Variants in DIP2C observed in about 807,000 individuals in gnomAD.
DIP2C encodes DIP2 acetate--CoA ligase C (putative).
A neutral mutation model predicts 192.4 loss-of-function variants in DIP2C; 33 were observed. That is an observed-to-expected ratio of 0.17 (90% CI 0.13 to 0.23). The LOEUF (loss-of-function observed/expected upper bound fraction) is 0.23. Among genes scored for constraint, DIP2C ranks in the 10% least tolerant of loss-of-function variants. DIP2C has a pLI of 1.00. For missense variants in DIP2C, 1,537 were observed against 2,110.1 expected (o/e 0.73, Z 5.32); for synonymous variants, 979 against 864.1 (o/e 1.13, Z -2.33).
At chr10:370,547 C>T (rs1960836946) in intron 17 of DIP2C, among the ~76,000 whole-genome samples, 1 of 152,234 alleles carries the variant, frequency 6.6e-6, no homozygotes, top group Admixed American at 6.5e-5. Flanking sequence ...CCAAGAGCGG[C>T]CACAGTTTGT....
chr10:484,149 A>C (rs1198905058), intron 2 of DIP2C, among the ~76,000 whole-genome samples: 1 of 152,204 alleles, frequency 6.6e-6, no homozygotes, highest in East Asian at 1.9e-4. Context: ...TGTAACCCTG[A>C]ACACGAACCT....
intron 1 of DIP2C, among the ~76,000 whole-genome samples, chr10:645,599 A>C (rs910225825): frequency 6.6e-6 from 1 of 152,230 alleles, no homozygotes; most frequent in Non-Finnish European, 1.5e-5. Flanking sequence ...TTTTAAACAA[A>C]ACATGTTGTC....
Position 663,092 on chromosome 10 carries a change from G to C in DIP2C, c.85+26402C>G, listed in dbSNP as rs1057038129. 2.1e-5 allele frequency: 12 copies of C among 578,930 alleles called. No individual in the cohort carries two copies. The East Asian group carries it at 3.1e-4, about 15-fold the overall frequency. The allele number at this position is 578,930 out of a possible 1,614,324, so 35.9% of individuals were successfully genotyped here. On this transcript the variant is annotated intron_variant, in intron 1 of 36. Transcript: ENST00000280886. ...ACCCAGTGATACCACTCTCCAGTGG[G>C]CAGCCTGGTCTGCAGAGGGGGAGAT...
rs578125305 is a variant in DIP2C at position 377,865 on chromosome 10, T to C, written c.1991+4782A>G. On this transcript the variant is annotated intron_variant, in intron 17 of 36. Coordinates refer to ENST00000280886, the MANE Select transcript of DIP2C (RefSeq NM_014974.3). ...GGAATTATTGTTTCATTGTTTTATA[T>C]GATTTTTGCATTTTCATTACTAAAA... 2.0e-5 allele frequency among the ~76,000 whole-genome samples: 3 copies of C among 152,384 alleles called. No individual in the cohort carries two copies. The East Asian group carries it at 5.8e-4, about 29-fold the overall frequency.
intron 1 of DIP2C, among the ~76,000 whole-genome samples, chr10:660,357 C>T (rs1048195173): frequency 4.6e-5 from 7 of 151,752 alleles, no homozygotes; most frequent in Middle Eastern, 3.2e-3. Flanking sequence ...TAGCCCTTGT[C>T]CCTGTTTCAA....
intron 1 of DIP2C, among the ~76,000 whole-genome samples, chr10:573,459 A>ACGGCAG (rs1201907377): frequency 6.6e-6 from 1 of 152,200 alleles, no homozygotes; most frequent in Admixed American, 6.5e-5. Flanking sequence ...ACAAGGCTTG[A>ACGGCAG]CGGCAGGGGC....
At chr10:680,674 A>C (rs1831098400) in intron 1 of DIP2C, among the ~76,000 whole-genome samples, 1 of 152,236 alleles carries the variant, frequency 6.6e-6, no homozygotes, top group Non-Finnish European at 1.5e-5. Context: ...CTTTACAGGG[A>C]TGTGAATTTC....
chr10:430,133 GACATATGA>G (rs1966843527), intron 4 of DIP2C: 1 of 152,142 alleles, frequency 6.6e-6, no homozygotes, highest in Non-Finnish European at 1.5e-5. Context: ...ATTTCTCTAT[GACATATGA>G]TGTGAAGCGT....
chr10:367,830 C>T (rs560197822), intron 18 of DIP2C, among the ~76,000 whole-genome samples: 1 of 152,270 alleles, frequency 6.6e-6, no homozygotes. Context: ...TCCATCATGA[C>T]GTGAGAAAAC....
intron 24 of DIP2C, among the ~76,000 whole-genome samples, chr10:355,935 G>T (rs1959060087): frequency 6.6e-6 from 1 of 152,116 alleles, no homozygotes; most frequent in South Asian, 2.1e-4. Flanking sequence ...ACAAAAATTA[G>T]CCAGATGTGG....
intron 1 of DIP2C, among the ~76,000 whole-genome samples, chr10:686,144 G>T (rs1831327126): frequency 6.6e-6 from 1 of 152,130 alleles, no homozygotes; most frequent in South Asian, 2.1e-4. Context: ...GAAGGGAGAA[G>T]AAAATATTCT....
intron 1 of DIP2C, among the ~76,000 whole-genome samples, chr10:597,973 T>A (rs899901291): frequency 6.6e-6 from 1 of 152,196 alleles, no homozygotes; most frequent in Admixed American, 6.5e-5. Context: ...CACGGTTCCC[T>A]ACCTGGACTC....
chr10:539,182 CAT>C (rs1847848870), intron 1 of DIP2C, among the ~76,000 whole-genome samples: 1 of 152,252 alleles, frequency 6.6e-6, no homozygotes, highest in South Asian at 2.1e-4. Flanking sequence ...GCAAACCTTT[CAT>C]AGAGTGCTCA....
rs946184220 is a variant in DIP2C, at chr10:331,180, C to T, written c.3585-1579G>A. On this transcript the variant is annotated intron_variant, in intron 29 of 36. Coordinates refer to ENST00000280886, the MANE Select transcript of DIP2C (RefSeq NM_014974.3). ...GAGTTAGGCCTTGTTAACTACTATGCTATAATACTAAAGCCAGTTCTTTAA... is the reference window on the plus strand; with the variant it reads ...GAGTTAGGCCTTGTTAACTACTATGTTATAATACTAAAGCCAGTTCTTTAA... 2.0e-5 allele frequency among the ~76,000 whole-genome samples: 3 copies of T among 151,986 alleles called. No homozygotes were observed. In the East Asian group the frequency reaches 5.8e-4, roughly 29 times the overall value.
At chr10:320,086 T>G (rs1956941719) in intron 31 of DIP2C, among the ~76,000 whole-genome samples, 1 of 152,234 alleles carries the variant, frequency 6.6e-6, no homozygotes, top group South Asian at 2.1e-4. Flanking sequence ...AAGGAACAGT[T>G]ACAGATGGCA....
intron 1 of DIP2C, among the ~76,000 whole-genome samples, chr10:681,847 G>C (rs1177506770): frequency 6.6e-6 from 1 of 152,268 alleles, no homozygotes; most frequent in African/African-American, 2.4e-5. Flanking sequence ...TCAGGGCCCA[G>C]GGCTAAGGCC....
intron 2 of DIP2C, among the ~76,000 whole-genome samples, chr10:473,362 A>T (rs1225886918): frequency 6.6e-6 from 1 of 152,218 alleles, no homozygotes; most frequent in African/African-American, 2.4e-5. Context: ...CAGTTCCATG[A>T]ACAGCTCTGA....
intron 1 of DIP2C, among the ~76,000 whole-genome samples, chr10:583,268 A>C (rs1333697012): frequency 1.3e-5 from 2 of 152,264 alleles, no homozygotes; most frequent in Non-Finnish European, 2.9e-5. Context: ...CATATCACTA[A>C]AGCGCAAAGG....
chr10:607,054 T>C (rs74767561), intron 1 of DIP2C, among the ~76,000 whole-genome samples: 6,523 of 152,238 alleles, frequency 0.043, 476 homozygotes, highest in African/African-American at 0.14. Context: ...CCGTGGCCCT[T>C]AACGTCCGTA....
Sources: allele counts gnomAD v4.1 joint callset (sites outside exome capture counted in the v4.1 genomes callset), GRCh38; gene constraint gnomAD v4.1.1; transcripts MANE v1.5; gene names NCBI Gene and HGNC (gene_info 2026-07-23, HGNC 2026-07-21).